The following TRABD2B variants were observed in gnomAD, a reference collection of about 807,000 sequenced individuals.
TRABD2B encodes metalloprotease TIKI2.
Under a neutral mutation model 40.1 loss-of-function variants are expected in TRABD2B, and 14 were observed. That is an observed-to-expected ratio of 0.35 (90% CI 0.23 to 0.55). TRABD2B has a LOEUF of 0.55. TRABD2B is among the 20% of genes least tolerant of loss of function. The pLI is 0.90. For synonymous variants in TRABD2B, 263 were observed against 277.0 expected (o/e 0.95, Z 0.50); for missense variants, 541 against 648.6 (o/e 0.83, Z 1.80).
chr1:47,905,136 A>T (rs1457499116), intron 2 of TRABD2B, among the ~76,000 whole-genome samples: 4 of 152,330 alleles, frequency 2.6e-5, no homozygotes, highest in Non-Finnish European at 2.9e-5. Flanking sequence ...TAAAGCAGGG[A>T]TTCACAGGAC....
At chr1:47,824,913 G>A (rs925651847) in intron 2 of TRABD2B, among the ~76,000 whole-genome samples, 2 of 152,116 alleles carry the variant, frequency 1.3e-5, no homozygotes, top group Admixed American at 6.5e-5. Flanking sequence ...ATATTCACAC[G>A]GCTGCCCACA....
chr1:47,817,896 C>T (rs937527743), intron 2 of TRABD2B, among the ~76,000 whole-genome samples: 3 of 152,212 alleles, frequency 2.0e-5, no homozygotes, highest in Admixed American at 6.5e-5. Context: ...CCCAGCTCCT[C>T]CACCCCCGTT....
rs1342085394 is a variant in TRABD2B at position 47,764,729 on chromosome 1, T to G, written c.*1173A>C. On this transcript the variant is annotated 3_prime_UTR_variant, in exon 7 of 7. Transcript: ENST00000606738. Reference sequence around the variant, plus strand: ...CCAGTTTGGGTGAGATCTGCTCCCTTGCAGAGAGAACGTGGCAGAACAGGG... The same window carrying G: ...CCAGTTTGGGTGAGATCTGCTCCCTGGCAGAGAGAACGTGGCAGAACAGGG... The G allele has an allele frequency of 6.6e-6, 1 of 152,182 alleles. No homozygotes were observed. The highest frequency in any genetic ancestry group is 1.5e-5 in the Non-Finnish European group (1 of 68,048). 9.4% of individuals were successfully genotyped at this position (152,182 alleles called of 1,614,324 possible).
At chr1:47,781,358 A>ATT (rs1387128031) in intron 4 of TRABD2B, among the ~76,000 whole-genome samples, 1 of 152,142 alleles carries the variant, frequency 6.6e-6, no homozygotes, top group Non-Finnish European at 1.5e-5. Context: ...AGCAGCAAAT[A>ATT]TTTACTGACT....
intron 2 of TRABD2B, among the ~76,000 whole-genome samples, chr1:47,969,690 T>C (rs1248860857): frequency 2.0e-5 from 3 of 152,172 alleles, no homozygotes; most frequent in South Asian, 2.1e-4. Flanking sequence ...CCTAAAACGA[T>C]TGGACAGCAT....
chr1:47,879,994 A>AG (rs1468217755), intron 2 of TRABD2B, among the ~76,000 whole-genome samples: 2 of 152,330 alleles, frequency 1.3e-5, no homozygotes, highest in East Asian at 3.9e-4. Context: ...CTTAGCTTCT[A>AG]GGAGAGAGGA....
At chr1:47,926,497 C>T (rs917597097) in intron 2 of TRABD2B, among the ~76,000 whole-genome samples, 14 of 152,148 alleles carry the variant, frequency 9.2e-5, no homozygotes, top group African/African-American at 3.4e-4. Context: ...CCAAGGCTCT[C>T]CCACTTTGCA....
chr1:47,906,633 C>T (rs1055536562), intron 2 of TRABD2B, among the ~76,000 whole-genome samples: 1 of 152,212 alleles, frequency 6.6e-6, no homozygotes, highest in African/African-American at 2.4e-5. Context: ...TGCAACCCTG[C>T]TTGGTAGCAG....
At chr1:47,883,304 A>T (rs189235860) in intron 2 of TRABD2B, among the ~76,000 whole-genome samples, 1 of 152,184 alleles carries the variant, frequency 6.6e-6, no homozygotes, top group Admixed American at 6.5e-5. Flanking sequence ...CTCAAAATTG[A>T]GTTCTCTAGC....
intron 2 of TRABD2B, among the ~76,000 whole-genome samples, chr1:47,801,966 G>C (rs1198047694): frequency 6.6e-6 from 1 of 152,170 alleles, no homozygotes; most frequent in Non-Finnish European, 1.5e-5. Flanking sequence ...GTGTTCCTGT[G>C]CTTAAAAGTG....
In TRABD2B at chr1:47,778,546, T is replaced by A; in HGVS notation, c.989-2A>T. On this transcript the variant is annotated splice_acceptor_variant, in intron 4 of 6. Coordinates refer to ENST00000606738, the MANE Select transcript of TRABD2B (RefSeq NM_001194986.2). LOFTEE classifies it high-confidence loss of function. The stretch of plus-strand genomic sequence containing the variant: ...CTGTGTTGTTCCCCAGAAAGTGACC[T>A]GGAACACAAGTGACAAAAGGGGCTC... 1 of 1,535,688 alleles carries A rather than the reference T, an allele frequency of 6.5e-7. No homozygotes were observed. The highest frequency in any genetic ancestry group is 8.7e-7 in the Non-Finnish European group (1 of 1,146,498).
chr1:47,974,090 C>G (rs530435901), intron 2 of TRABD2B, among the ~76,000 whole-genome samples: 1 of 152,282 alleles, frequency 6.6e-6, no homozygotes, highest in South Asian at 2.1e-4. Context: ...GCCTAGGGAA[C>G]AGAGTAAGAT....
At chr1:47,906,095 G>A (rs1378913488) in intron 2 of TRABD2B, among the ~76,000 whole-genome samples, 1 of 152,190 alleles carries the variant, frequency 6.6e-6, no homozygotes, top group African/African-American at 2.4e-5. Context: ...GCCTGCGGCA[G>A]AGCTGGGATC....
At chr1:47,949,753 A>T (rs1173450548) in intron 2 of TRABD2B, among the ~76,000 whole-genome samples, 1 of 152,076 alleles carries the variant, frequency 6.6e-6, no homozygotes, top group Non-Finnish European at 1.5e-5. Flanking sequence ...CTGTGTCCCC[A>T]AGGTCCCAGA....
chr1:47,846,857 TACACACACACAC>T (rs67359073), intron 2 of TRABD2B, among the ~76,000 whole-genome samples: 13 of 106,394 alleles, frequency 1.2e-4, no homozygotes, highest in Non-Finnish European at 2.2e-4. Context: ...AAAACATGCA[TACACACACACAC>T]ACACACACAC....
At chr1:47,801,030 T>A (rs1419708800) in intron 3 of TRABD2B, among the ~76,000 whole-genome samples, 1 of 152,190 alleles carries the variant, frequency 6.6e-6, no homozygotes, top group Non-Finnish European at 1.5e-5. Flanking sequence ...GCTCAGCCCC[T>A]TGGGTTCTAC....
intron 2 of TRABD2B, among the ~76,000 whole-genome samples, chr1:47,936,254 AT>A (rs1553166893): frequency 6.6e-6 from 1 of 152,218 alleles, no homozygotes; most frequent in Non-Finnish European, 1.5e-5. Context: ...CTTCTTCATC[AT>A]TTATAGACTC....
In TRABD2B at chr1:47,996,569, G is replaced by A. The variant is rs1570438579; in HGVS notation, c.102+119C>T. On this transcript the variant is annotated intron_variant, in intron 1 of 6. Transcript: ENST00000606738. The surrounding 1 kb of genome is among the most constrained non-coding windows in gnomAD (Gnocchi z 4.6). ...AGGAAGGGCGCCCGAGGCTGCGCCCGGGGGGTGGAGGTGGAGCGGGCGGGC... is the reference window on the plus strand; with the variant it reads ...AGGAAGGGCGCCCGAGGCTGCGCCCAGGGGGTGGAGGTGGAGCGGGCGGGC... 6.3e-6 allele frequency: 7 copies of A among 1,112,942 alleles called. No individual in the cohort carries two copies. Among genetic ancestry groups the A allele is most frequent in the Non-Finnish European group, 7.8e-6 (7 of 896,162 alleles). 68.9% of individuals were successfully genotyped at this position (1,112,942 alleles called of 1,614,324 possible). A position where few individuals can be genotyped will look rare whatever the true frequency, so the allele number is the denominator to read the frequency against.
chr1:47,943,403 A>G lies in TRABD2B; in HGVS notation c.666+50631T>C, dbSNP rs899044058. On this transcript the variant is annotated intron_variant, in intron 2 of 6. Transcript: ENST00000606738. ...CACTTTCAGCCTTCATGGAGAAAGG[A>G]GGTTGAAAAAAGCACAAATAATCTC... Among the ~76,000 whole-genome samples, 9 of 152,354 alleles carry G rather than the reference A, an allele frequency of 5.9e-5. No homozygotes were observed. The East Asian group carries it at 1.7e-3, about 29-fold the overall frequency.
Sources: gnomAD v4.1 joint callset for allele counts (sites outside exome capture counted in the v4.1 genomes callset) on GRCh38, gnomAD v4.1.1 for gene constraint, Gnocchi (gnomAD v3.1) non-coding constraint, MANE v1.5 for transcripts, NCBI Gene and HGNC (gene_info 2026-07-23, HGNC 2026-07-21) for gene names.